Variants in PRKACB observed in about 807,000 individuals in gnomAD.
PRKACB encodes cAMP-dependent protein kinase catalytic subunit beta.
In PRKACB, 16 loss-of-function variants were observed where a neutral mutation model predicts 51.4. The observed-to-expected ratio is 0.31, with a 90% CI of 0.21 to 0.47. The LOEUF (loss-of-function observed/expected upper bound fraction) is 0.47. Ranked by LOEUF, PRKACB falls within the 20% of genes least tolerant of loss-of-function variation. The probability of loss-of-function intolerance (pLI) is 1.00; values close to 1 mark genes in which losing one functional copy is unlikely to be tolerated. For synonymous variants in PRKACB, 147 were observed against 154.4 expected, an observed-to-expected ratio of 0.95 and a Z score of 0.35; for missense variants, 309 against 464.5, an observed-to-expected ratio of 0.67 and a Z score of 3.08.
At chr1:84,173,330 A>G in intron 1 of PRKACB, 1 of 1,573,390 alleles carries the variant, frequency 6.4e-7, no homozygotes, top group East Asian at 2.3e-5. Context: ...TTGATCAAGC[A>G]CGCAAATCAT....
chr1:84,083,786 T>C (rs1367657796), intron 1 of PRKACB, among the ~76,000 whole-genome samples: 9 of 152,100 alleles, frequency 5.9e-5, no homozygotes, highest in African/African-American at 1.9e-4. Context: ...AAGGTAAATA[T>C]GCTTAGGTCA....
intron 1 of PRKACB, among the ~76,000 whole-genome samples, chr1:84,094,124 A>C (rs758669643): frequency 6.6e-6 from 1 of 151,990 alleles, no homozygotes; most frequent in Non-Finnish European, 1.5e-5. Flanking sequence ...CTTGCAATAC[A>C]GTAGTACATA....
intron 8 of PRKACB, among the ~76,000 whole-genome samples, chr1:84,209,647 A>G (rs1216343717): frequency 6.6e-6 from 1 of 152,210 alleles, no homozygotes; most frequent in Non-Finnish European, 1.5e-5. Flanking sequence ...CGTTTTCTTC[A>G]GAGTAAAAGT....
chr1:84,155,530 A>G (rs1432493267), intron 1 of PRKACB, among the ~76,000 whole-genome samples: 1 of 152,214 alleles, frequency 6.6e-6, no homozygotes, highest in African/African-American at 2.4e-5. Flanking sequence ...TAAAACTTGT[A>G]TAGAAACACA....
At chr1:84,204,872 G>C (rs538239459) in intron 8 of PRKACB, 2 of 983,004 alleles carry the variant, frequency 2.0e-6, no homozygotes, top group East Asian at 2.2e-4. Context: ...CATTGGCCTC[G>C]ATTTGCCAAT....
chr1:84,136,260 C>T (rs1652795353), intron 1 of PRKACB, among the ~76,000 whole-genome samples: 2 of 151,670 alleles, frequency 1.3e-5, no homozygotes, highest in East Asian at 1.9e-4. Flanking sequence ...TAATAATTTT[C>T]AGAAAAAGAA....
intron 1 of PRKACB, among the ~76,000 whole-genome samples, chr1:84,085,571 T>C (rs1443685670): frequency 6.6e-6 from 1 of 152,078 alleles, no homozygotes. Flanking sequence ...GCTCACAAAA[T>C]GTGTGGGCAG....
At chr1:84,209,132 A>G (rs1671765630) in intron 8 of PRKACB, among the ~76,000 whole-genome samples, 1 of 152,148 alleles carries the variant, frequency 6.6e-6, no homozygotes, top group Non-Finnish European at 1.5e-5. Context: ...ATCACTAATC[A>G]TTCCCTCTCA....
intron 5 of PRKACB, among the ~76,000 whole-genome samples, chr1:84,194,033 T>A (rs1231322918): frequency 1.3e-5 from 2 of 152,118 alleles, no homozygotes; most frequent in East Asian, 3.9e-4. Flanking sequence ...GCAACTAATA[T>A]AATTAATATA....
At chr1:84,079,814 C>T (rs1218674144) in intron 1 of PRKACB, among the ~76,000 whole-genome samples, 1 of 151,530 alleles carries the variant, frequency 6.6e-6, no homozygotes, top group African/African-American at 2.4e-5. Context: ...TACAGGTGCC[C>T]ACCACCACAC....
At chr1:84,107,769 A>G (rs759036132) in intron 1 of PRKACB, among the ~76,000 whole-genome samples, 1 of 152,178 alleles carries the variant, frequency 6.6e-6, no homozygotes, top group Non-Finnish European at 1.5e-5. Context: ...GAGAAATGCA[A>G]ATCAAAACCA....
chr1:84,105,926 A>G (rs1222346881), intron 1 of PRKACB, among the ~76,000 whole-genome samples: 3 of 152,126 alleles, frequency 2.0e-5, no homozygotes, highest in African/African-American at 7.2e-5. Flanking sequence ...ACAGATTCAA[A>G]CAATCAAGGA....
At chr1:84,159,489 T>G (rs758360052) in intron 1 of PRKACB, among the ~76,000 whole-genome samples, 3 of 152,122 alleles carry the variant, frequency 2.0e-5, no homozygotes, top group Non-Finnish European at 2.9e-5. Flanking sequence ...CATTTTTTAG[T>G]TCTAGTAGTT....
intron 1 of PRKACB, among the ~76,000 whole-genome samples, chr1:84,163,289 G>T (rs1656483021): frequency 6.6e-6 from 1 of 152,016 alleles, no homozygotes; most frequent in South Asian, 2.1e-4. Context: ...GCATAGCAAG[G>T]TGGGCAGACT....
intron 7 of PRKACB, among the ~76,000 whole-genome samples, chr1:84,198,962 T>G (rs1489483676): frequency 6.8e-6 from 1 of 147,232 alleles, no homozygotes; most frequent in East Asian, 2.0e-4. Flanking sequence ...TATATTCATA[T>G]ATATGTGTAT....
intron 1 of PRKACB, among the ~76,000 whole-genome samples, chr1:84,158,527 T>G (rs568112534): frequency 1.8e-4 from 27 of 152,306 alleles, no homozygotes; most frequent in African/African-American, 6.5e-4. Context: ...TCGTTTTTCT[T>G]CTTATTATCA....
chr1:84,128,103 G>A (rs1651810656), intron 1 of PRKACB, among the ~76,000 whole-genome samples: 1 of 146,404 alleles, frequency 6.8e-6, no homozygotes, highest in Non-Finnish European at 1.5e-5. Flanking sequence ...TCACCTCCCA[G>A]GTCCAAGCAA....
rs369491438 is a variant in PRKACB at position 84,149,058 on chromosome 1, C to T, written c.187+4510C>T. 1.0e-3 allele frequency among the ~76,000 whole-genome samples: 159 copies of T among 152,080 alleles called. 2 individuals are homozygous for T. Among genetic ancestry groups the T allele is most frequent in the African/African-American group, 3.7e-3 (153 of 41,474 alleles). ...CAAGATTTCCCAGCTGATTTATATGCACATTAAGGTGTGAGAAGCACTTTT... is the reference window on the plus strand; with the variant it reads ...CAAGATTTCCCAGCTGATTTATATGTACATTAAGGTGTGAGAAGCACTTTT... On this transcript the variant is annotated intron_variant, in intron 1 of 9. Transcript: ENST00000370685.
chr1:84,153,508 C>A (rs1273643834), intron 1 of PRKACB, among the ~76,000 whole-genome samples: 2 of 152,246 alleles, frequency 1.3e-5, no homozygotes, highest in South Asian at 2.1e-4. Context: ...AGGACTTATT[C>A]ATCCTGTCTA....
Sources: gnomAD v4.1 joint callset for allele counts (sites outside exome capture counted in the v4.1 genomes callset) on GRCh38, gnomAD v4.1.1 for gene constraint, MANE v1.5 for transcripts, NCBI Gene and HGNC (gene_info 2026-07-23, HGNC 2026-07-21) for gene names.